The following ITFG2 variants were observed in gnomAD, a reference collection of about 807,000 sequenced individuals.
ITFG2 encodes the protein integrin alpha FG-GAP repeat containing 2.
A neutral mutation model predicts 54.4 loss-of-function variants in ITFG2; 36 were observed. The ratio of observed to expected loss-of-function variants is 0.66; its 90% CI spans 0.51 to 0.87. The LOEUF (loss-of-function observed/expected upper bound fraction) is 0.87, where lower values mean the gene tolerates loss of function less well. Among genes scored for constraint, ITFG2 ranks in the 40% least tolerant of loss-of-function variants. The pLI, the probability that ITFG2 is intolerant of heterozygous loss-of-function variation, is 0.00. For synonymous variants in ITFG2, 211 were observed against 225.4 expected, an observed-to-expected ratio of 0.94 and a Z score of 0.57; for missense variants, 524 against 576.7, an observed-to-expected ratio of 0.91 and a Z score of 0.94.
intron 1 of ITFG2, among the ~76,000 whole-genome samples, chr12:2,816,117 A>G (rs1473321056): frequency 7.0e-6 from 1 of 142,074 alleles, no homozygotes; most frequent in Non-Finnish European, 1.5e-5. Context: ...TGCAACCTCC[A>G]CCTCCTGGGT....
At chr12:2,838,413 A>G (rs915986836) in intron 1 of ITFG2, among the ~76,000 whole-genome samples, 1 of 152,192 alleles carries the variant, frequency 6.6e-6, no homozygotes, top group Non-Finnish European at 1.5e-5. Context: ...CCAGCCTGCC[A>G]ACATGGATGG....
At chr12:2,839,377 A>C (rs2098035749) in intron 1 of ITFG2, among the ~76,000 whole-genome samples, 1 of 152,232 alleles carries the variant, frequency 6.6e-6, no homozygotes, top group Non-Finnish European at 1.5e-5. Context: ...TCGTCCAACT[A>C]TTCAGGAAGA....
chr12:2,858,933 C>G (rs568377566), intron 3 of ITFG2: 7 of 1,613,706 alleles, frequency 4.3e-6, no homozygotes, highest in Admixed American at 3.3e-5. Context: ...GGGGGGAGCA[C>G]TTTGCAAGGG....
upstream of ITFG2, chr12:2,835,228 G>A: frequency 2.1e-6 from 2 of 973,040 alleles, no homozygotes; most frequent in Non-Finnish European, 2.4e-6. Flanking sequence ...AGACAGTGCT[G>A]TAAACTGTCA....
chr12:2,848,952 C>A, intron 2 of ITFG2: 1 of 437,426 alleles, frequency 2.3e-6, no homozygotes, highest in South Asian at 2.7e-5. Context: ...GAACTGGAGC[C>A]CCTCCCTGTT....
chr12:2,813,006 C>A, intron 1 of ITFG2, 150 bp downstream of exon 1: 1 of 592,218 alleles, frequency 1.7e-6, no homozygotes, highest in Admixed American at 2.8e-5. Context: ...TTATTGATAG[C>A]TTCAGTGTTC....
At chr12:2,834,142 C>A (rs571247278), upstream of ITFG2, among the ~76,000 whole-genome samples, 1 of 152,286 alleles carries the variant, frequency 6.6e-6, no homozygotes, top group South Asian at 2.1e-4. Context: ...GGCCAGGGGC[C>A]CCCGGCAAGA....
chr12:2,830,859 T>C, exon 3 of ITFG2: 1 of 1,612,196 alleles, frequency 6.2e-7, no homozygotes, highest in Non-Finnish European at 8.5e-7. Context: ...ACTGCGCGGC[T>C]GCTGGCTCCA....
At chr12:2,819,796 T>G in intron 4 of ITFG2, 1 of 261,554 alleles carries the variant, frequency 3.8e-6, no homozygotes, top group Non-Finnish European at 7.1e-6. Flanking sequence ...ACCATCCAGA[T>G]AGGGGGCTTG....
intron 3 of ITFG2, chr12:2,859,358 G>A: frequency 6.2e-7 from 1 of 1,613,912 alleles, no homozygotes; most frequent in South Asian, 1.1e-5. Context: ...AGACACACCG[G>A]GTTGGGGACC....
rs1191999336 is a variant in ITFG2 at position 2,842,608 on chromosome 12, T to C, written n.300+1613T>C. The stretch of plus-strand genomic sequence containing the variant: ...TCAGCCAGGCATAGTGACATGCGCC[T>C]GTAGTTCCAGCTACTCGGGAGGCTG... On this transcript the variant is annotated intron_variant and non_coding_transcript_variant, in intron 2 of 3. Coordinates refer to the ITFG2 transcript ENST00000537710. 2.0e-5 allele frequency among the ~76,000 whole-genome samples: 3 copies of C among 152,066 alleles called. No individual in the cohort carries two copies. The East Asian group carries it at 5.8e-4, about 30-fold the overall frequency.
intron 2 of ITFG2, among the ~76,000 whole-genome samples, chr12:2,853,819 G>A (rs1323961729): frequency 6.6e-6 from 1 of 152,050 alleles, no homozygotes; most frequent in African/African-American, 2.4e-5. Context: ...GGGGTTCACA[G>A]CGGCTCCTCT....
chr12:2,824,160 G>C lies in ITFG2; in HGVS notation c.1311G>C (p.Gln437His). The change falls in exon 12 of 12, where the codon CAG becomes CAC. Residue 437 changes from glutamine (Q) to histidine (H), a missense_variant. By Grantham distance (24) the Gln-to-His change is conservative. Transcript: ENST00000228799. ...QTLYHPDQPP[Q>H]CAPSSLQDPT ...TCTACCATCCAGACCAGCCACCACAGTGTGCTCCCTCAAGCCTCCAGGATC... is the reference window on the plus strand; with the variant it reads ...TCTACCATCCAGACCAGCCACCACACTGTGCTCCCTCAAGCCTCCAGGATC... 1 of 1,614,194 alleles carries C rather than the reference G, an allele frequency of 6.2e-7. No homozygotes were observed. Among genetic ancestry groups the C allele is most frequent in the Non-Finnish European group, 8.5e-7 (1 of 1,180,038 alleles).
chr12:2,813,000 T>C (rs1448900202), intron 1 of ITFG2, 144 bp downstream of exon 1: 1 of 625,306 alleles, frequency 1.6e-6, no homozygotes, highest in Non-Finnish European at 2.8e-6. Flanking sequence ...AAAACTTTAT[T>C]GATAGCTTCA....
chr12:2,828,240 T>C, downstream of ITFG2: 1 of 1,236,530 alleles, frequency 8.1e-7, no homozygotes, highest in Non-Finnish European at 1.2e-6. Context: ...AGATAAAATA[T>C]GCAACTGTCG....
intron 2 of ITFG2, chr12:2,830,486 A>AG (rs1262556293): frequency 4.1e-6 from 2 of 488,402 alleles, no homozygotes; most frequent in African/African-American, 2.0e-5. Flanking sequence ...TGACCAAGGA[A>AG]GGGGGGCAGA....
chr12:2,854,489 C>A (rs2098081044), intron 2 of ITFG2, among the ~76,000 whole-genome samples: 1 of 152,210 alleles, frequency 6.6e-6, no homozygotes, highest in Non-Finnish European at 1.5e-5. Flanking sequence ...TACTCCAGGC[C>A]TTCGGGCTAC....
intron 2 of ITFG2, among the ~76,000 whole-genome samples, chr12:2,842,794 C>T (rs1034771366): frequency 6.6e-6 from 1 of 152,046 alleles, no homozygotes; most frequent in African/African-American, 2.4e-5. Flanking sequence ...GTTGGACAGC[C>T]CTGATCTAAA....
At chr12:2,827,284 C>T (rs1565424637), downstream of ITFG2, 1 of 1,613,900 alleles carries the variant, frequency 6.2e-7, no homozygotes. This position sits in a 1 kb window ranked among gnomAD's most constrained non-coding sequence, Gnocchi z 4.0. Flanking sequence ...ACTCCGTGCT[C>T]CAGGTCGATG....
Sources: gnomAD v4.1 joint callset for allele counts (sites outside exome capture counted in the v4.1 genomes callset) on GRCh38, gnomAD v4.1.1 for gene constraint, Gnocchi (gnomAD v3.1) non-coding constraint, MANE v1.5 for transcripts, NCBI Gene and HGNC (gene_info 2026-07-23, HGNC 2026-07-21) for gene names.